The following ZNF236 variants were observed in gnomAD, a reference collection of about 807,000 sequenced individuals.
ZNF236 encodes the protein regulated by glucose.
ZNF236 carries 50 observed loss-of-function variants against 191.2 expected under a neutral mutation model. The observed-to-expected ratio is 0.26, with a 90% CI of 0.21 to 0.33. The LOEUF (loss-of-function observed/expected upper bound fraction) is 0.33, where lower values mean the gene tolerates loss of function less well. Ranked by LOEUF, ZNF236 falls within the 10% of genes least tolerant of loss-of-function variation. ZNF236 has a pLI of 1.00. For missense variants in ZNF236, 1,754 were observed against 2,374.5 expected (o/e 0.74, Z 5.43); for synonymous variants, 907 against 928.8 (o/e 0.98, Z 0.43).
chr18:76,861,677 A>C (rs184251386), intron 3 of ZNF236, among the ~76,000 whole-genome samples: 1 of 152,240 alleles, frequency 6.6e-6, no homozygotes, highest in Admixed American at 6.5e-5. Flanking sequence ...CTTACCTTTA[A>C]TTGTATTTAA....
chr18:76,901,079 C>T (rs999977046), intron 11 of ZNF236, among the ~76,000 whole-genome samples: 6 of 152,218 alleles, frequency 3.9e-5, no homozygotes, highest in African/African-American at 1.4e-4. Context: ...CTATTCGCCT[C>T]CTGCTGCGTG....
At chr18:76,953,594 A>G (rs1968459103) in intron 27 of ZNF236, among the ~76,000 whole-genome samples, 2 of 152,222 alleles carry the variant, frequency 1.3e-5, no homozygotes, top group South Asian at 4.1e-4. Context: ...GAATAGAAGA[A>G]TATCGTTCTG....
At chr18:76,860,831 C>A (rs1351845702) in intron 3 of ZNF236, among the ~76,000 whole-genome samples, 1 of 152,224 alleles carries the variant, frequency 6.6e-6, no homozygotes, top group Non-Finnish European at 1.5e-5. Context: ...TATTACTACT[C>A]ACCCCTGCTT....
chr18:76,844,736 G>A (rs900572129), intron 1 of ZNF236, among the ~76,000 whole-genome samples: 2 of 152,116 alleles, frequency 1.3e-5, no homozygotes, highest in Non-Finnish European at 2.9e-5. Context: ...GTTGGAACTC[G>A]GCATCCAGTA....
intron 20 of ZNF236, among the ~76,000 whole-genome samples, chr18:76,922,212 AC>A (rs1196070039): frequency 1.3e-5 from 2 of 152,170 alleles, no homozygotes; most frequent in Non-Finnish European, 2.9e-5. Flanking sequence ...ACGCTTGGTG[AC>A]TGGCAGGGCG....
intron 9 of ZNF236, 96 bp from the exon 10 acceptor site, chr18:76,894,917 C>A: frequency 2.0e-6 from 3 of 1,494,166 alleles, no homozygotes; most frequent in South Asian, 2.5e-5. Context: ...CATAACTGAT[C>A]ATGCGTGCAG....
In ZNF236 at chr18:76,927,849, A is replaced by T; in HGVS notation, c.4415-78A>T. The T allele has an allele frequency of 9.2e-7, 1 of 1,088,756 alleles. No homozygotes were observed. Among genetic ancestry groups the T allele is most frequent in the Non-Finnish European group, 1.3e-6 (1 of 786,572 alleles). 67.4% of individuals were successfully genotyped at this position (1,088,756 alleles called of 1,614,324 possible). ...TGAAATATGTAATAACAGTTTAATT[A>T]AAATATTTTTAATATAAAAACAGGG... On this transcript the variant is annotated intron_variant, in intron 24 of 30. Transcript: ENST00000320610. The surrounding 1 kb of genome is among the most constrained non-coding windows in gnomAD (Gnocchi z 5.4).
chr18:76,915,299 C>T (rs1342162774), intron 18 of ZNF236, among the ~76,000 whole-genome samples: 3 of 152,130 alleles, frequency 2.0e-5, no homozygotes, highest in Non-Finnish European at 2.9e-5. Flanking sequence ...GTAGAATCCA[C>T]ATGTTGCCAG....
At chr18:76,889,454 G>A (rs545947497) in intron 9 of ZNF236, among the ~76,000 whole-genome samples, 1 of 152,286 alleles carries the variant, frequency 6.6e-6, no homozygotes, top group South Asian at 2.1e-4. Flanking sequence ...CTTGGCACTT[G>A]TCATGCTGTG....
At chr18:76,957,150 G>A (rs766400008) in intron 28 of ZNF236, among the ~76,000 whole-genome samples, 1 of 152,124 alleles carries the variant, frequency 6.6e-6, no homozygotes, top group Non-Finnish European at 1.5e-5. Flanking sequence ...GTGTATGTTG[G>A]GGGGGTGGGG....
At chr18:76,885,350 A>G (rs1030712202) in intron 9 of ZNF236, 16 of 152,412 alleles carry the variant, frequency 1.0e-4, no homozygotes, top group Non-Finnish European at 2.2e-4. Context: ...CATGGGGGCA[A>G]TGCACTTATA....
intron 25 of ZNF236, among the ~76,000 whole-genome samples, chr18:76,928,641 C>A (rs1967770907): frequency 6.6e-6 from 1 of 152,138 alleles, no homozygotes; most frequent in Non-Finnish European, 1.5e-5. Context: ...TGCCAGTCAC[C>A]AGGCTGACTC....
intron 9 of ZNF236, 103 bp from the exon 10 acceptor site, chr18:76,894,910 A>T (rs768120907): frequency 1.4e-6 from 2 of 1,470,384 alleles, no homozygotes; most frequent in Admixed American, 1.9e-5. Flanking sequence ...GCTTTCCCAT[A>T]ACTGATCATG....
intron 6 of ZNF236, among the ~76,000 whole-genome samples, chr18:76,876,956 C>G (rs868449423): frequency 5.9e-5 from 9 of 152,230 alleles, no homozygotes; most frequent in Non-Finnish European, 8.8e-5. Flanking sequence ...GAAAGAGCCT[C>G]TAAAGATTGG....
In ZNF236 at chr18:76,878,161, A is replaced by C; in HGVS notation, c.984+9A>C. 6.3e-7 allele frequency: 1 copy of C among 1,597,556 alleles called. No individual in the cohort carries two copies. The highest frequency in any genetic ancestry group is 1.7e-4 in the Middle Eastern group (1 of 5,966). Reference sequence around the variant, plus strand: ...CTGCTCATGTTTTAACGGTAAGTTTAGTAATTTGGAAGAACTTCTTTTTAA... The same window carrying C: ...CTGCTCATGTTTTAACGGTAAGTTTCGTAATTTGGAAGAACTTCTTTTTAA... On this transcript the variant is annotated intron_variant, in intron 7 of 30. Transcript: ENST00000320610.
In ZNF236 at chr18:76,970,806, T is replaced by C. The variant is rs1308682489; in HGVS notation, c.*2467T>C. The C allele has an allele frequency of 1.3e-5, 2 of 152,274 alleles. No individual in the cohort carries two copies. The highest frequency in any genetic ancestry group is 4.8e-5 in the African/African-American group (2 of 41,468). The allele number at this position is 152,274 out of a possible 1,614,324, so 9.4% of individuals were successfully genotyped here. ...AAATTAATTTCAAGTTCAGATATTT[T>C]TAAGAGAAAACTTTAGTGGTATTTT... is the stretch of plus-strand genomic sequence containing the variant. On this transcript the variant is annotated 3_prime_UTR_variant, in exon 31 of 31. Coordinates refer to ENST00000320610, the MANE Select transcript of ZNF236 (RefSeq NM_001306089.2).
chr18:76,900,429 A>G (rs2122725635), intron 11 of ZNF236, among the ~76,000 whole-genome samples: 1 of 152,378 alleles, frequency 6.6e-6, no homozygotes, highest in South Asian at 2.1e-4. Flanking sequence ...TAATAGCTTT[A>G]TAGAATCTTT....
intron 27 of ZNF236, among the ~76,000 whole-genome samples, chr18:76,948,356 G>A (rs1441498004): frequency 6.6e-6 from 1 of 152,184 alleles, no homozygotes; most frequent in Non-Finnish European, 1.5e-5. Flanking sequence ...GATATAACGA[G>A]CACTGGGGAT....
At position 76,960,440 on chromosome 18, in the gene ZNF236, C is replaced by G. The variant is rs1373064051; in HGVS notation, c.5243-239C>G. Among the ~76,000 whole-genome samples, 2 of 152,278 alleles carry G rather than the reference C, an allele frequency of 1.3e-5. No individual in the cohort carries two copies. Among genetic ancestry groups the G allele is most frequent in the East Asian group, 3.9e-4 (2 of 5,150 alleles). On this transcript the variant is annotated intron_variant, in intron 29 of 30. Transcript: ENST00000320610. The surrounding 1 kb of genome is among the most constrained non-coding windows in gnomAD (Gnocchi z 4.4). Reference sequence around the variant, plus strand: ...CCTGGGGTTCCACAGGCTGCATCCACCGTGGCCCTTCCATGGCTCTCTGAT... The same window carrying G: ...CCTGGGGTTCCACAGGCTGCATCCAGCGTGGCCCTTCCATGGCTCTCTGAT...
Sources: allele counts gnomAD v4.1 joint callset (sites outside exome capture counted in the v4.1 genomes callset), GRCh38; gene constraint gnomAD v4.1.1; non-coding constraint Gnocchi (gnomAD v3.1); transcripts MANE v1.5; gene names NCBI Gene and HGNC (gene_info 2026-07-23, HGNC 2026-07-21).